GUCY1A2: variants seen among roughly 807,000 people sequenced by gnomAD.
The protein encoded by GUCY1A2 is guanylate cyclase 1 soluble subunit alpha 2, also known as guanylate cyclase soluble subunit alpha-2.
GUCY1A2 carries 27 observed loss-of-function variants against 63.5 expected under a neutral mutation model. The ratio of observed to expected loss-of-function variants is 0.43; its 90% CI spans 0.31 to 0.59. The LOEUF is 0.59. Ranked by LOEUF, GUCY1A2 falls within the 20% of genes least tolerant of loss-of-function variation. The pLI, the probability that GUCY1A2 is intolerant of heterozygous loss-of-function variation, is 0.11. For synonymous variants in GUCY1A2, 364 were observed against 343.5 expected (o/e 1.06, Z -0.66); for missense variants, 768 against 913.3 (o/e 0.84, Z 2.05).
chr11:106,867,817 A>G (rs1591307886), intron 4 of GUCY1A2, among the ~76,000 whole-genome samples: 1 of 152,168 alleles, frequency 6.6e-6, no homozygotes, highest in South Asian at 2.1e-4. Context: ...AAAAAAGAGG[A>G]ATGGAACAGA....
At chr11:106,926,703 C>T (rs913045544) in intron 4 of GUCY1A2, among the ~76,000 whole-genome samples, 3 of 151,708 alleles carry the variant, frequency 2.0e-5, no homozygotes, top group Middle Eastern at 3.4e-3. Flanking sequence ...AGAAGCAGCC[C>T]CATAAACCGA....
At chr11:106,746,961 C>T (rs958426191) in intron 6 of GUCY1A2, among the ~76,000 whole-genome samples, 1 of 152,042 alleles carries the variant, frequency 6.6e-6, no homozygotes, top group Non-Finnish European at 1.5e-5. Context: ...TAGTCACTGT[C>T]CTTTAAGAAT....
At chr11:106,828,254 T>G (rs1328190684) in intron 4 of GUCY1A2, among the ~76,000 whole-genome samples, 5 of 152,042 alleles carry the variant, frequency 3.3e-5, no homozygotes. Flanking sequence ...GGGGTCTTCA[T>G]CATAAATTAT....
chr11:106,944,660 G>A (rs1310770144), intron 3 of GUCY1A2, among the ~76,000 whole-genome samples: 8 of 152,112 alleles, frequency 5.3e-5, no homozygotes, highest in Admixed American at 3.3e-4. Context: ...TTTTTAATCT[G>A]TGAATTTATG....
At chr11:106,715,169 C>T (rs1233694300) in intron 6 of GUCY1A2, among the ~76,000 whole-genome samples, 2 of 152,134 alleles carry the variant, frequency 1.3e-5, no homozygotes, top group Non-Finnish European at 2.9e-5. Flanking sequence ...CAATATTCTG[C>T]TTCTTTATTA....
chr11:106,871,949 C>G (rs1026815517), intron 4 of GUCY1A2, among the ~76,000 whole-genome samples: 8 of 152,138 alleles, frequency 5.3e-5, no homozygotes, highest in Non-Finnish European at 1.2e-4. Context: ...CTGCATATTA[C>G]CAGCCTTGAC....
At chr11:106,933,245 G>A (rs971257400) in intron 4 of GUCY1A2, among the ~76,000 whole-genome samples, 1 of 151,590 alleles carries the variant, frequency 6.6e-6, no homozygotes, top group African/African-American at 2.4e-5. Flanking sequence ...CTATAAGGAA[G>A]TTAAGCAAAC....
intron 3 of GUCY1A2, among the ~76,000 whole-genome samples, chr11:106,962,417 T>C (rs532804840): frequency 6.6e-6 from 1 of 151,512 alleles, no homozygotes; most frequent in Non-Finnish European, 1.5e-5. Context: ...AATATTTTTG[T>C]GGTAGCATGT....
intron 4 of GUCY1A2, among the ~76,000 whole-genome samples, chr11:106,818,454 A>G (rs1001318310): frequency 1.3e-5 from 2 of 152,128 alleles, no homozygotes; most frequent in African/African-American, 4.8e-5. Flanking sequence ...GTGTGTTCTG[A>G]GTGCCCCACC....
At chr11:106,890,558 G>T (rs903860013) in intron 4 of GUCY1A2, among the ~76,000 whole-genome samples, 4 of 152,144 alleles carry the variant, frequency 2.6e-5, no homozygotes, top group African/African-American at 9.7e-5. Flanking sequence ...CTTCCTGTAT[G>T]TGACGGTTCA....
rs535949587 is a variant in GUCY1A2 at position 106,976,824 on chromosome 11, T to C, written c.487+1795A>G. ...AAACACTGCACTCACCCTAATGTCA[T>C]CAGGCAGCACACTGCCTGCTGTTCT... On this transcript the variant is annotated intron_variant, in intron 3 of 7. Coordinates refer to ENST00000526355, the MANE Select transcript of GUCY1A2 (RefSeq NM_000855.3). Among the ~76,000 whole-genome samples the C allele has an allele frequency of 3.3e-5, 5 of 152,306 alleles. No individual in the cohort carries two copies. The East Asian group carries it at 9.7e-4, about 29-fold the overall frequency.
chr11:106,957,676 A>C (rs556672184), intron 3 of GUCY1A2, among the ~76,000 whole-genome samples: 1 of 151,928 alleles, frequency 6.6e-6, no homozygotes, highest in Admixed American at 6.6e-5. Flanking sequence ...TCACATGCTT[A>C]GATTTTTTTT....
chr11:106,869,715 A>T (rs1192541485), intron 4 of GUCY1A2, among the ~76,000 whole-genome samples: 1 of 152,206 alleles, frequency 6.6e-6, no homozygotes, highest in Admixed American at 6.5e-5. Context: ...TCAGGGATCT[A>T]GAGCTAGAAA....
At chr11:106,773,628 G>A (rs2135400335) in intron 6 of GUCY1A2, among the ~76,000 whole-genome samples, 1 of 152,248 alleles carries the variant, frequency 6.6e-6, no homozygotes, top group South Asian at 2.1e-4. Context: ...ACTTCCACTA[G>A]CTATGGGTGA....
chr11:106,746,979 T>C (rs1863799182), intron 6 of GUCY1A2, among the ~76,000 whole-genome samples: 4 of 152,072 alleles, frequency 2.6e-5, no homozygotes. Flanking sequence ...AATCAAAAGA[T>C]GTGGGTTTTT....
chr11:106,881,868 A>T (rs1859828564), intron 4 of GUCY1A2, among the ~76,000 whole-genome samples: 1 of 152,028 alleles, frequency 6.6e-6, no homozygotes, highest in Non-Finnish European at 1.5e-5. Context: ...ATAAAGGGAT[A>T]TTATTATAGA....
chr11:106,792,423 A>G (rs1240477340), intron 5 of GUCY1A2, among the ~76,000 whole-genome samples: 1 of 151,794 alleles, frequency 6.6e-6, no homozygotes, highest in African/African-American at 2.4e-5. Context: ...ACTATCATCA[A>G]GTAGGCATTA....
intron 4 of GUCY1A2, among the ~76,000 whole-genome samples, chr11:106,885,755 A>AT (rs1173086964): frequency 6.6e-6 from 1 of 152,208 alleles, no homozygotes; most frequent in Non-Finnish European, 1.5e-5. Flanking sequence ...AAATGTTTTT[A>AT]AAGCTCTATA....
intron 4 of GUCY1A2, among the ~76,000 whole-genome samples, chr11:106,921,196 T>C (rs1860439808): frequency 6.6e-6 from 1 of 152,224 alleles, no homozygotes; most frequent in East Asian, 1.9e-4. Context: ...GGATTTCTCA[T>C]TATTATTTCC....
Sources: allele counts gnomAD v4.1 joint callset (sites outside exome capture counted in the v4.1 genomes callset), GRCh38; gene constraint gnomAD v4.1.1; transcripts MANE v1.5; gene names NCBI Gene and HGNC (gene_info 2026-07-23, HGNC 2026-07-21).